Variants in CPA6 observed in about 807,000 individuals in gnomAD.
CPA6 encodes carboxypeptidase B.
In CPA6, 58 loss-of-function variants were observed where a neutral mutation model predicts 63.3. The observed-to-expected ratio is 0.92, with a 90% CI of 0.74 to 1.14. CPA6 has a LOEUF of 1.14. Ranked by LOEUF, CPA6 falls within the 50% of genes most tolerant of loss-of-function variation. The probability of loss-of-function intolerance (pLI) is 0.00; values close to 1 mark genes in which losing one functional copy is unlikely to be tolerated. For missense variants in CPA6, 565 were observed against 526.6 expected (o/e 1.07, Z -0.71); for synonymous variants, 185 against 179.0 (o/e 1.03, Z -0.27).
chr8:67,665,533 A>G (rs1349233143), intron 1 of CPA6, among the ~76,000 whole-genome samples: 1 of 152,226 alleles, frequency 6.6e-6, no homozygotes, highest in Non-Finnish European at 1.5e-5. Flanking sequence ...AAATAAGTAG[A>G]AAACCTCTTC....
In CPA6 at chr8:67,699,589, C is replaced by CT. The variant is rs532916921; in HGVS notation, c.116+46424dup. On this transcript the variant is annotated intron_variant, in intron 1 of 10. Transcript: ENST00000297770. ...ATTGAAGTGATTTATGTTTTTTCTT[C>CT]TTTTTTTTTTTTCTTGAGACAGAGT... is the stretch of plus-strand genomic sequence containing the variant. Among the ~76,000 whole-genome samples, 317 of 146,448 alleles carry CT rather than the reference C, an allele frequency of 2.2e-3. 1 individual carries two copies. The highest frequency in any genetic ancestry group is 0.014 in the Middle Eastern group (4 of 286).
Position 67,455,663 on chromosome 8 carries a change from C to CAAAAAAAAAA in CPA6, c.839-21433_839-21424dup, listed in dbSNP as rs552041509. ...TAGTGAAGCCCCTTCTCTACAAAAG[C>CAAAAAAAAAA]AAAAAAAAAAAAAAAAAAAAAAAAA... On this transcript the variant is annotated intron_variant, in intron 8 of 10. Coordinates refer to ENST00000297770, the MANE Select transcript of CPA6 (RefSeq NM_020361.5). 8.0e-3 allele frequency among the ~76,000 whole-genome samples: 241 copies of CAAAAAAAAAA among 30,290 alleles called. 20 individuals are homozygous for CAAAAAAAAAA. Among genetic ancestry groups the CAAAAAAAAAA allele is most frequent in the Admixed American group, 0.013 (18 of 1,418 alleles). The allele number at this position is 30,290 out of a possible 152,430, so 19.9% of individuals were successfully genotyped here. A position where few individuals can be genotyped will look rare whatever the true frequency, so the allele number is the denominator to read the frequency against.
At chr8:67,673,381 T>TTATTATTATTATTATTATTA (rs368012210) in intron 1 of CPA6, among the ~76,000 whole-genome samples, 1 of 101,688 alleles carries the variant, frequency 9.8e-6, no homozygotes, top group East Asian at 2.3e-4. Context: ...ATTATTATTA[T>TTATTATTATTATTATTATTA]TTATTTATTT....
At chr8:67,709,374 CT>C (rs1176865667) in intron 1 of CPA6, among the ~76,000 whole-genome samples, 2 of 152,204 alleles carry the variant, frequency 1.3e-5, no homozygotes, top group Non-Finnish European at 2.9e-5. Flanking sequence ...ACTTTTACTC[CT>C]GCTCCAAAAC....
chr8:67,609,505 G>A (rs1814747898), intron 2 of CPA6, among the ~76,000 whole-genome samples: 1 of 152,092 alleles, frequency 6.6e-6, no homozygotes, highest in Non-Finnish European at 1.5e-5. Flanking sequence ...AGTCAACGTT[G>A]AATATATATC....
intron 2 of CPA6, among the ~76,000 whole-genome samples, chr8:67,539,953 T>C (rs1358486354): frequency 6.6e-6 from 1 of 152,134 alleles, no homozygotes; most frequent in Non-Finnish European, 1.5e-5. Flanking sequence ...CACACTCCTT[T>C]AGCTTGGAGG....
chr8:67,653,890 G>C (rs1371615913), intron 1 of CPA6, among the ~76,000 whole-genome samples: 1 of 151,626 alleles, frequency 6.6e-6, no homozygotes, highest in Non-Finnish European at 1.5e-5. Flanking sequence ...GTCATAGATA[G>C]CTCTTATTAT....
intron 1 of CPA6, among the ~76,000 whole-genome samples, chr8:67,682,282 G>A (rs189858222): frequency 1.3e-5 from 2 of 152,046 alleles, no homozygotes; most frequent in Admixed American, 1.3e-4. Flanking sequence ...GCTTCTTCAA[G>A]TTCACTAGTC....
intron 1 of CPA6, among the ~76,000 whole-genome samples, chr8:67,728,673 A>G (rs1817650274): frequency 6.6e-6 from 1 of 152,238 alleles, no homozygotes; most frequent in African/African-American, 2.4e-5. Context: ...ACATTTATTG[A>G]GTTTATTTGT....
chr8:67,693,554 C>A (rs1025548938), intron 1 of CPA6, among the ~76,000 whole-genome samples: 1 of 152,142 alleles, frequency 6.6e-6, no homozygotes, highest in Non-Finnish European at 1.5e-5. Flanking sequence ...GGAAATGGGG[C>A]TTTTGGGGAA....
At chr8:67,548,736 T>G (rs1287091368) in intron 2 of CPA6, among the ~76,000 whole-genome samples, 1 of 152,028 alleles carries the variant, frequency 6.6e-6, no homozygotes, top group African/African-American at 2.4e-5. Context: ...GGAGGGGAGG[T>G]AAATTCAGCT....
intron 2 of CPA6, among the ~76,000 whole-genome samples, chr8:67,601,694 A>G (rs897317455): frequency 1.3e-5 from 2 of 152,156 alleles, no homozygotes; most frequent in Non-Finnish European, 2.9e-5. Flanking sequence ...TATTCGGTCT[A>G]TTTTGTCTCT....
rs371705800 is a variant in CPA6, at chr8:67,554,843, A to C, written c.193-36796T>G. On this transcript the variant is annotated intron_variant, in intron 2 of 10. Transcript: ENST00000297770. ...CTGCCATTTTGTTCCATTTGGCCCC[A>C]GCCTGCTAGATGGCCCTTGCCTGCA... 3.2e-4 allele frequency among the ~76,000 whole-genome samples: 48 copies of C among 152,320 alleles called. 1 individual carries two copies. The South Asian group carries it at 8.9e-3, about 28-fold the overall frequency.
At position 67,681,380 on chromosome 8, in the gene CPA6, T is replaced by G. The variant is rs1026891572; in HGVS notation, c.117-57129A>C. 3.3e-5 allele frequency among the ~76,000 whole-genome samples: 5 copies of G among 150,398 alleles called. No individual in the cohort carries two copies. In the South Asian group the frequency reaches 8.5e-4, roughly 25 times the overall value. On this transcript the variant is annotated intron_variant, in intron 1 of 10. Transcript: ENST00000297770. ...GCCCGCCACCGTGCCCGGCTAATTT[T>G]TTGTATTTTTAGTAGAGACGGGGTT...
At chr8:67,590,548 C>T (rs950868344) in intron 2 of CPA6, among the ~76,000 whole-genome samples, 24 of 151,654 alleles carry the variant, frequency 1.6e-4, no homozygotes, top group African/African-American at 5.1e-4. Flanking sequence ...CTCTCCAGCA[C>T]CTGTTGTTTC....
chr8:67,650,781 T>C (rs959469807), intron 1 of CPA6, among the ~76,000 whole-genome samples: 6 of 152,156 alleles, frequency 3.9e-5, no homozygotes, highest in African/African-American at 1.4e-4. Flanking sequence ...TTGCCTATAC[T>C]CTTGTCGGAT....
intron 1 of CPA6, among the ~76,000 whole-genome samples, chr8:67,666,501 A>C (rs369841217): frequency 4.6e-5 from 7 of 152,108 alleles, no homozygotes; most frequent in Admixed American, 2.0e-4. Flanking sequence ...ATGGTCTGGG[A>C]ACTTACAGCC....
intron 10 of CPA6, among the ~76,000 whole-genome samples, chr8:67,427,030 T>C (rs766499767): frequency 6.6e-6 from 1 of 152,224 alleles, no homozygotes; most frequent in South Asian, 2.1e-4. Flanking sequence ...CAGATTGATA[T>C]GTTAATTGTT....
chr8:67,558,503 A>G (rs1813121322), intron 2 of CPA6, among the ~76,000 whole-genome samples: 1 of 152,200 alleles, frequency 6.6e-6, no homozygotes, highest in Admixed American at 6.5e-5. Context: ...AGTCAATGTA[A>G]ATTTATTACT....
Sources: gnomAD v4.1 joint callset for allele counts (sites outside exome capture counted in the v4.1 genomes callset) on GRCh38, gnomAD v4.1.1 for gene constraint, MANE v1.5 for transcripts, NCBI Gene and HGNC (gene_info 2026-07-23, HGNC 2026-07-21) for gene names.